ZFAND3: variants seen among roughly 807,000 people sequenced by gnomAD.
ZFAND3 encodes AN1-type zinc finger protein 3.
A neutral mutation model predicts 29.6 loss-of-function variants in ZFAND3; 10 were observed. That is an observed-to-expected ratio of 0.34 (90% confidence interval 0.21 to 0.57). The LOEUF is 0.57. Among genes scored for constraint, ZFAND3 ranks in the 20% least tolerant of loss-of-function variants. ZFAND3 has a pLI of 0.86. For synonymous variants in ZFAND3, 128 were observed against 112.6 expected, an observed-to-expected ratio of 1.14 and a Z score of -0.87; for missense variants, 230 against 304.5, an observed-to-expected ratio of 0.76 and a Z score of 1.82.
Position 38,061,664 on chromosome 6 carries a change from G to C in ZFAND3, c.184G>C (p.Glu62Gln). ...TAACAGCCAATCAGATTTGTTTTCCGAAGAGACCACCAGTGACAACAACAA... is the reference window on the plus strand; with the variant it reads ...TAACAGCCAATCAGATTTGTTTTCCCAAGAGACCACCAGTGACAACAACAA... The part of the protein sequence containing the change: ...TSNSQSDLFS[E>Q]ETTSDNNNTS... Residue 62 changes from glutamate (E) to glutamine (Q), a missense_variant, in exon 3 of 6, where the codon GAA (glutamate) becomes CAA (glutamine). Glu to Gln is a conservative substitution (Grantham distance 29). This residue lies in a region of ZFAND3 where 180 missense variants were observed against 202.5 expected (regional missense o/e 0.89). Coordinates refer to ENST00000287218, the MANE Select transcript of ZFAND3 (RefSeq NM_021943.3). The C allele has an allele frequency of 6.2e-7, 1 of 1,614,104 alleles. No individual in the cohort carries two copies. The highest frequency in any genetic ancestry group is 1.6e-4 in the Middle Eastern group (1 of 6,062).
intron 4 of ZFAND3, among the ~76,000 whole-genome samples, chr6:38,094,210 T>A (rs1408113082): frequency 6.6e-6 from 1 of 152,090 alleles, no homozygotes; most frequent in Non-Finnish European, 1.5e-5. Flanking sequence ...GGAACTATTG[T>A]GGACTGAGGA....
rs571756496 is a variant in ZFAND3 at position 37,883,791 on chromosome 6, C to T, written c.72-46168C>T. Reference sequence around the variant, plus strand: ...TCCTGACCTCATGATCCACCTGTCTCGGCCTCCCAAAGTGCTGGGATTACA... The same window carrying T: ...TCCTGACCTCATGATCCACCTGTCTTGGCCTCCCAAAGTGCTGGGATTACA... On this transcript the variant is annotated intron_variant, in intron 1 of 5. Coordinates refer to ENST00000287218, the MANE Select transcript of ZFAND3 (RefSeq NM_021943.3). 1.1e-3 allele frequency among the ~76,000 whole-genome samples: 163 copies of T among 145,662 alleles called. 10 individuals are homozygous for T. Among genetic ancestry groups the T allele is most frequent in the Non-Finnish European group, 2.1e-3 (141 of 67,480 alleles).
intron 5 of ZFAND3, among the ~76,000 whole-genome samples, chr6:38,133,902 C>G (rs759230755): frequency 1.5e-4 from 23 of 152,174 alleles, no homozygotes; most frequent in Non-Finnish European, 3.2e-4. Flanking sequence ...TTCATATCCC[C>G]AAGCTGGCCC....
intron 2 of ZFAND3, among the ~76,000 whole-genome samples, chr6:38,027,211 C>T (rs569450118): frequency 6.6e-6 from 1 of 152,322 alleles, no homozygotes; most frequent in Non-Finnish European, 1.5e-5. Context: ...TAGTGATTTT[C>T]TTGCGTGACA....
chr6:37,824,560 C>G (rs1204898505), intron 1 of ZFAND3, among the ~76,000 whole-genome samples: 1 of 152,254 alleles, frequency 6.6e-6, no homozygotes, highest in African/African-American at 2.4e-5. Context: ...TGGAGATAAT[C>G]TCGTGATGAC....
intron 5 of ZFAND3, among the ~76,000 whole-genome samples, chr6:38,146,836 G>A (rs1384066245): frequency 6.6e-6 from 1 of 152,154 alleles, no homozygotes; most frequent in African/African-American, 2.4e-5. Context: ...GCAAAAATCT[G>A]TTGAAATGTT....
At chr6:38,103,314 A>G (rs1464192944) in intron 4 of ZFAND3, among the ~76,000 whole-genome samples, 3 of 151,668 alleles carry the variant, frequency 2.0e-5, no homozygotes, top group Non-Finnish European at 2.9e-5. Flanking sequence ...ACTTAACCGT[A>G]TATGAAAATA....
chr6:38,142,475 A>G (rs1009268358), intron 5 of ZFAND3: 6 of 397,436 alleles, frequency 1.5e-5, no homozygotes, highest in Non-Finnish European at 2.5e-5. Context: ...CAGCTCCTGG[A>G]TGGAATGCGT....
intron 2 of ZFAND3, among the ~76,000 whole-genome samples, chr6:37,981,889 T>C (rs1289879187): frequency 6.6e-6 from 1 of 152,140 alleles, no homozygotes; most frequent in Non-Finnish European, 1.5e-5. Flanking sequence ...TAAGGAGACA[T>C]GATACATCAG....
At chr6:38,116,412 T>C (rs1765418556) in intron 4 of ZFAND3, among the ~76,000 whole-genome samples, 160 bp from the exon 5 acceptor site, 1 of 152,200 alleles carries the variant, frequency 6.6e-6, no homozygotes, top group Non-Finnish European at 1.5e-5. Context: ...TTGTCATAGT[T>C]TGTGCAGTAT....
intron 2 of ZFAND3, among the ~76,000 whole-genome samples, chr6:37,956,895 C>G (rs1450173474): frequency 6.6e-6 from 1 of 152,158 alleles, no homozygotes; most frequent in Non-Finnish European, 1.5e-5. Context: ...TGGATATGAA[C>G]AGTCCTTCGG....
At chr6:38,039,551 G>A (rs183091373) in intron 2 of ZFAND3, among the ~76,000 whole-genome samples, 1 of 152,280 alleles carries the variant, frequency 6.6e-6, no homozygotes, top group East Asian at 1.9e-4. Flanking sequence ...GCATAAATTA[G>A]ATGCATATGT....
At chr6:37,988,060 A>C (rs990538584) in intron 2 of ZFAND3, among the ~76,000 whole-genome samples, 2 of 152,228 alleles carry the variant, frequency 1.3e-5, no homozygotes, top group African/African-American at 4.8e-5. Flanking sequence ...TTAGAAGGAA[A>C]TATTGTGTGA....
At chr6:37,898,063 C>G (rs1765252265) in intron 1 of ZFAND3, among the ~76,000 whole-genome samples, 1 of 152,016 alleles carries the variant, frequency 6.6e-6, no homozygotes, top group Admixed American at 6.5e-5. Flanking sequence ...TGTTATCTAT[C>G]ATTGTTTTAT....
At chr6:38,055,599 C>T (rs1350597401) in intron 2 of ZFAND3, among the ~76,000 whole-genome samples, 1 of 152,140 alleles carries the variant, frequency 6.6e-6, no homozygotes, top group African/African-American at 2.4e-5. Flanking sequence ...TCTTCTACTT[C>T]GAATTTGGTT....
intron 2 of ZFAND3, among the ~76,000 whole-genome samples, chr6:38,033,175 T>G (rs1332070585): frequency 1.3e-5 from 2 of 152,194 alleles, no homozygotes; most frequent in South Asian, 4.1e-4. Context: ...ATAATTTATT[T>G]AGACCTGTAA....
chr6:38,105,361 T>A (rs1765187228), intron 4 of ZFAND3, among the ~76,000 whole-genome samples: 1 of 152,078 alleles, frequency 6.6e-6, no homozygotes, highest in Admixed American at 6.6e-5. Context: ...CCTGTGATCA[T>A]GCCACTGCAC....
intron 2 of ZFAND3, among the ~76,000 whole-genome samples, chr6:38,033,799 CTCAG>C (rs971725229): frequency 1.1e-4 from 16 of 152,120 alleles, no homozygotes; most frequent in East Asian, 5.8e-4. Context: ...TCAGGGATAG[CTCAG>C]TCAGTCAGTC....
intron 1 of ZFAND3, among the ~76,000 whole-genome samples, chr6:37,875,563 T>C (rs1288068612): frequency 1.3e-5 from 2 of 152,212 alleles, no homozygotes; most frequent in South Asian, 4.1e-4. Context: ...CAGCAACTTA[T>C]GTTCATGAAC....
Sources: gnomAD v4.1 joint callset for allele counts (sites outside exome capture counted in the v4.1 genomes callset) on GRCh38, gnomAD v4.1.1 for gene constraint, gnomAD v4.1.1 regional missense constraint, MANE v1.5 for transcripts, NCBI Gene and HGNC (gene_info 2026-07-23, HGNC 2026-07-21) for gene names.